Variants in NBAS observed in about 807,000 individuals in gnomAD.
NBAS encodes the protein NBAS subunit of NRZ tethering complex.
NBAS carries 219 observed loss-of-function variants against 302.5 expected under a neutral mutation model. The ratio of observed to expected loss-of-function variants is 0.72; its 90% CI spans 0.65 to 0.81. The LOEUF (loss-of-function observed/expected upper bound fraction) is 0.81, where lower values mean the gene tolerates loss of function less well. Ranked by LOEUF, NBAS falls within the 30% of genes least tolerant of loss-of-function variation. The pLI is 0.00. For synonymous variants in NBAS, 1,118 were observed against 1,021.6 expected (o/e 1.09, Z -1.80); for missense variants, 2,932 against 2,841.6 (o/e 1.03, Z -0.72).
At chr2:15,543,858 C>G (rs1663973693) in intron 6 of NBAS, among the ~76,000 whole-genome samples, 1 of 152,164 alleles carries the variant, frequency 6.6e-6, no homozygotes, top group Admixed American at 6.5e-5. Flanking sequence ...TATTGTCTGC[C>G]TTATTTGTTA....
the NBAS span, among the ~76,000 whole-genome samples, chr2:14,991,438 T>C: frequency 6.6e-6 from 1 of 152,178 alleles, no homozygotes; most frequent in Non-Finnish European, 1.5e-5. Flanking sequence ...TAAGGTACCA[T>C]TGACACTCTT....
At chr2:15,321,147 G>A (rs1230897342) in intron 38 of NBAS, among the ~76,000 whole-genome samples, 3 of 152,168 alleles carry the variant, frequency 2.0e-5, no homozygotes, top group African/African-American at 7.2e-5. Context: ...AATGGGGAAA[G>A]GATTCCTTAT....
At chr2:15,335,174 TAAAAAA>T (rs34790746) in intron 35 of NBAS, among the ~76,000 whole-genome samples, 1,374 of 117,272 alleles carry the variant, frequency 0.012, 31 homozygotes, top group African/African-American at 0.043. Flanking sequence ...TCATCTCTCT[TAAAAAA>T]AAAAAAAAAA....
intron 6 of NBAS, among the ~76,000 whole-genome samples, chr2:15,543,520 G>C (rs1663952900): frequency 6.6e-6 from 1 of 152,064 alleles, no homozygotes; most frequent in South Asian, 2.1e-4. Context: ...ATTTACAAAA[G>C]AAAGAGGTTT....
intron 40 of NBAS, among the ~76,000 whole-genome samples, chr2:15,294,959 C>T (rs753315228): frequency 6.6e-5 from 10 of 152,190 alleles, no homozygotes; most frequent in African/African-American, 2.4e-4. Context: ...CCTATCTCTG[C>T]GTATAACTCC....
At chr2:15,444,748 C>T (rs374599027) in intron 21 of NBAS, among the ~76,000 whole-genome samples, 1,846 of 151,500 alleles carry the variant, frequency 0.012, 29 homozygotes, top group East Asian at 0.055. Context: ...TTTTCGCAAC[C>T]TACTCATCTG....
intron 21 of NBAS, among the ~76,000 whole-genome samples, chr2:15,460,840 T>C (rs1037561489): frequency 2.6e-5 from 4 of 152,222 alleles, no homozygotes; most frequent in Admixed American, 2.6e-4. Flanking sequence ...CCTGGGTTTC[T>C]GGGTCTTCCC....
At chr2:15,306,333 A>G (rs1396758043) in intron 40 of NBAS, among the ~76,000 whole-genome samples, 1 of 152,250 alleles carries the variant, frequency 6.6e-6, no homozygotes, top group Non-Finnish European at 1.5e-5. Context: ...ACCTTAGGCA[A>G]ACTGGTTAAA....
chr2:15,203,695 C>A (rs1008754799), intron 48 of NBAS, among the ~76,000 whole-genome samples: 3 of 152,040 alleles, frequency 2.0e-5, no homozygotes, highest in Non-Finnish European at 4.4e-5. Context: ...AAAAAAAGCA[C>A]TAAATCCCAG....
chr2:15,407,994 C>G (rs1326936339), intron 25 of NBAS, among the ~76,000 whole-genome samples: 5 of 152,152 alleles, frequency 3.3e-5, no homozygotes, highest in Admixed American at 3.3e-4. Context: ...CAGCAACAAT[C>G]TGACAATTCT....
chr2:15,251,430 C>T (rs146071176), intron 44 of NBAS, among the ~76,000 whole-genome samples: 3 of 152,192 alleles, frequency 2.0e-5, no homozygotes, highest in Admixed American at 6.5e-5. Context: ...ACGTTCTGCA[C>T]GTATATCCTA....
intron 48 of NBAS, among the ~76,000 whole-genome samples, chr2:15,214,500 A>C (rs150082993): frequency 6.6e-6 from 1 of 152,334 alleles, no homozygotes; most frequent in African/African-American, 2.4e-5. Context: ...ATAAAGTATG[A>C]CTGCTGAACT....
At chr2:14,784,267 T>A in the NBAS span, among the ~76,000 whole-genome samples, 6 of 152,232 alleles carry the variant, frequency 3.9e-5, no homozygotes, top group Admixed American at 2.0e-4. Flanking sequence ...TTTTGTAGGT[T>A]GCCTGTTCAC....
intron 21 of NBAS, among the ~76,000 whole-genome samples, chr2:15,444,607 G>A (rs1444405387): frequency 6.6e-6 from 1 of 152,160 alleles, no homozygotes; most frequent in Non-Finnish European, 1.5e-5. Flanking sequence ...AGGATTTCAT[G>A]TCTAAAACAC....
chr2:14,974,056 C>T, the NBAS span, among the ~76,000 whole-genome samples: 1 of 152,196 alleles, frequency 6.6e-6, no homozygotes, highest in African/African-American at 2.4e-5. Context: ...GGACAATCTC[C>T]TCACTCTTTT....
At chr2:14,864,372 C>T in the NBAS span, among the ~76,000 whole-genome samples, 1 of 151,394 alleles carries the variant, frequency 6.6e-6, no homozygotes, top group South Asian at 2.1e-4. Context: ...GACTTGAATC[C>T]TTATTTCAAG....
At chr2:15,502,348 G>C (rs979420555) in intron 11 of NBAS, among the ~76,000 whole-genome samples, 25 of 152,186 alleles carry the variant, frequency 1.6e-4, no homozygotes, top group African/African-American at 5.8e-4. Flanking sequence ...TAAAATTATA[G>C]TACAGTCATG....
the NBAS span, among the ~76,000 whole-genome samples, chr2:15,077,281 G>A: frequency 1.3e-5 from 2 of 152,114 alleles, no homozygotes; most frequent in Admixed American, 6.6e-5. Flanking sequence ...CAGCATGGGG[G>A]AAACTGCCCC....
intron 38 of NBAS, among the ~76,000 whole-genome samples, chr2:15,320,779 T>A (rs1671766495): frequency 6.6e-6 from 1 of 152,192 alleles, no homozygotes; most frequent in Admixed American, 6.5e-5. Context: ...TCCATGCTTA[T>A]GGATAGGAAA....
Sources: allele counts gnomAD v4.1 joint callset (sites outside exome capture counted in the v4.1 genomes callset), GRCh38; gene constraint gnomAD v4.1.1; transcripts MANE v1.5; gene names NCBI Gene and HGNC (gene_info 2026-07-23, HGNC 2026-07-21).